Variants in PDE2A observed in about 807,000 individuals in gnomAD.
The protein encoded by PDE2A is phosphodiesterase 2A.
A neutral mutation model predicts 133.6 loss-of-function variants in PDE2A; 53 were observed. That is an observed-to-expected ratio of 0.40 (90% CI 0.32 to 0.50). The LOEUF is 0.50. Ranked by LOEUF, PDE2A falls within the 20% of genes least tolerant of loss-of-function variation. The pLI is 0.73. For synonymous variants in PDE2A, 491 were observed against 490.2 expected, an observed-to-expected ratio of 1.00 and a Z score of -0.02; for missense variants, 796 against 1,232.4, an observed-to-expected ratio of 0.65 and a Z score of 5.30.
At chr11:72,616,393 C>A (rs563709718) in intron 2 of PDE2A, among the ~76,000 whole-genome samples, 63 of 152,342 alleles carry the variant, frequency 4.1e-4, no homozygotes, top group African/African-American at 1.5e-3. Flanking sequence ...GCTCCCACAA[C>A]AGACTGGGAG....
chr11:72,578,193 C>G lies in PDE2A; in HGVS notation c.2615+40G>C. The G allele has an allele frequency of 1.5e-6, 2 of 1,294,110 alleles. No individual in the cohort carries two copies. Among genetic ancestry groups the G allele is most frequent in the Non-Finnish European group, 2.3e-6 (2 of 887,834 alleles). 80.2% of individuals were successfully genotyped at this position (1,294,110 alleles called of 1,614,324 possible). A position where few individuals can be genotyped will look rare whatever the true frequency, so the allele number is the denominator to read the frequency against. On this transcript the variant is annotated intron_variant, in intron 30 of 30. Coordinates refer to ENST00000334456, the MANE Select transcript of PDE2A (RefSeq NM_002599.5). This position sits in a 1 kb window ranked among gnomAD's most constrained non-coding sequence, Gnocchi z 4.2. The stretch of plus-strand genomic sequence containing the variant: ...TGATGTCCCCACTCCAGCCTACCCT[C>G]TCTGTGCAGGGTGCAGCTTGTCCCC...
chr11:72,610,571 C>CG (rs1857163084), intron 2 of PDE2A, among the ~76,000 whole-genome samples: 1 of 152,144 alleles, frequency 6.6e-6, no homozygotes. Flanking sequence ...TACTCAGCAT[C>CG]GCTTTCCCCA....
At chr11:72,666,842 A>G (rs1855246488) in intron 1 of PDE2A, among the ~76,000 whole-genome samples, 1 of 152,252 alleles carries the variant, frequency 6.6e-6, no homozygotes, top group Non-Finnish European at 1.5e-5. Flanking sequence ...GCAGTGGCTC[A>G]TGCCTGTAAT....
intron 2 of PDE2A, among the ~76,000 whole-genome samples, chr11:72,620,269 C>T (rs1479710368): frequency 6.6e-6 from 1 of 152,170 alleles, no homozygotes; most frequent in East Asian, 1.9e-4. Flanking sequence ...CCCCTCCTCA[C>T]TTCCCTGGGG....
At position 72,583,497 on chromosome 11, in the gene PDE2A, C is replaced by T; in HGVS notation, c.1669G>A (p.Val557Met). The change falls in exon 20 of 31, where the codon GTG (valine) becomes ATG (methionine). Residue 557 changes from valine to methionine, a missense_variant. By Grantham distance (21) the Val-to-Met change is conservative (BLOSUM62 1). Coordinates refer to ENST00000334456, the MANE Select transcript of PDE2A (RefSeq NM_002599.5). ...TGGCTGCGATACTGAGCCTCATTCACTTTTTTGTATAGGAGAGACTAGGGG... is the reference window on the plus strand; with the variant it reads ...TGGCTGCGATACTGAGCCTCATTCATTTTTTTGTATAGGAGAGACTAGGGG... ...SIAHSLLYKK[V>M]NEAQYRSHLA... is the part of the protein sequence containing the mutation. 6.2e-7 allele frequency: 1 copy of T among 1,611,616 alleles called. No individual in the cohort carries two copies. The highest frequency in any genetic ancestry group is 8.5e-7 in the Non-Finnish European group (1 of 1,177,748).
At chr11:72,672,812 C>A (rs952537218) in intron 1 of PDE2A, among the ~76,000 whole-genome samples, 1 of 150,050 alleles carries the variant, frequency 6.7e-6, no homozygotes, top group South Asian at 2.1e-4. Context: ...TATTTCTTTT[C>A]TGCATCTTTC....
At chr11:72,664,296 T>C (rs536231389) in intron 1 of PDE2A, among the ~76,000 whole-genome samples, 1 of 151,812 alleles carries the variant, frequency 6.6e-6, no homozygotes, top group South Asian at 2.1e-4. Context: ...TCACTAACTG[T>C]CTTCAGTTAA....
intron 1 of PDE2A, among the ~76,000 whole-genome samples, chr11:72,669,402 A>T (rs1414373732): frequency 6.6e-6 from 1 of 152,128 alleles, no homozygotes; most frequent in African/African-American, 2.4e-5. Context: ...GTGGGGGGGC[A>T]GTGAGAAGGG....
intron 2 of PDE2A, among the ~76,000 whole-genome samples, chr11:72,611,449 G>A (rs528912853): frequency 2.6e-5 from 4 of 152,302 alleles, no homozygotes; most frequent in Non-Finnish European, 4.4e-5. Flanking sequence ...TCCTCAACCT[G>A]CCCTTTGCTT....
chr11:72,636,189 T>C, intron 2 of PDE2A: 2 of 1,028,666 alleles, frequency 1.9e-6, no homozygotes, highest in East Asian at 8.6e-5. Flanking sequence ...AACAGGAAGG[T>C]CCTGGAGCTG....
intron 4 of PDE2A, among the ~76,000 whole-genome samples, chr11:72,602,010 A>G (rs766216312): frequency 1.3e-5 from 2 of 152,190 alleles, no homozygotes; most frequent in Admixed American, 6.5e-5. Context: ...AGGGAGGCCA[A>G]TATGGCCCAG....
chr11:72,643,875 C>G (rs1859056894), intron 1 of PDE2A, among the ~76,000 whole-genome samples: 1 of 152,192 alleles, frequency 6.6e-6, no homozygotes. Context: ...CTCTGGCATG[C>G]TCTCCCCCAC....
intron 13 of PDE2A, chr11:72,587,856 G>A (rs1250674793): frequency 6.6e-6 from 1 of 152,238 alleles, no homozygotes; most frequent in Non-Finnish European, 1.5e-5. Context: ...CTCAGACCTA[G>A]GACTCCTGGA....
chr11:72,633,253 A>G (rs1565183764), intron 2 of PDE2A, among the ~76,000 whole-genome samples: 5 of 152,132 alleles, frequency 3.3e-5, no homozygotes, highest in Admixed American at 6.5e-5. Flanking sequence ...AGTCTGCTTT[A>G]GGGAAGACTC....
Position 72,631,732 on chromosome 11 carries a change from C to T in PDE2A, c.144+10522G>A, listed in dbSNP as rs569912075. On this transcript the variant is annotated intron_variant, in intron 2 of 30. Transcript: ENST00000334456. ...ACTTCCACAGTTCCCGGAATGCTAGCGGTGGAGACACTGCCACAGCAGCCT... is the reference window on the plus strand; with the variant it reads ...ACTTCCACAGTTCCCGGAATGCTAGTGGTGGAGACACTGCCACAGCAGCCT... 8.5e-5 allele frequency among the ~76,000 whole-genome samples: 13 copies of T among 152,210 alleles called. No individual in the cohort carries two copies. The South Asian group carries it at 2.3e-3, about 27-fold the overall frequency.
chr11:72,647,011 C>T (rs1014797160), intron 1 of PDE2A, among the ~76,000 whole-genome samples: 8 of 152,176 alleles, frequency 5.3e-5, no homozygotes, highest in Non-Finnish European at 1.0e-4. Flanking sequence ...CCTTCTTCAC[C>T]TATCCCCAGC....
intron 2 of PDE2A, among the ~76,000 whole-genome samples, chr11:72,614,357 G>A (rs1417926443): frequency 6.6e-6 from 1 of 152,208 alleles, no homozygotes; most frequent in African/African-American, 2.4e-5. Flanking sequence ...TAGTCTGAAG[G>A]AGGAGGCAAG....
rs557111949 is a variant in PDE2A at position 72,607,736 on chromosome 11, G to A, written c.234+926C>T. 2.0e-5 allele frequency among the ~76,000 whole-genome samples: 3 copies of A among 152,170 alleles called. No homozygotes were observed. In the East Asian group the frequency reaches 5.8e-4, roughly 29 times the overall value. On this transcript the variant is annotated intron_variant, in intron 3 of 30. Coordinates refer to ENST00000334456, the MANE Select transcript of PDE2A (RefSeq NM_002599.5). The stretch of plus-strand genomic sequence containing the variant: ...ACAATGGGCTCTGGAGGGATGGGAA[G>A]GTCACATTCTGAGTTGGCCATATTT...
At chr11:72,585,094 C>T in intron 16 of PDE2A, 150 bp from the exon 17 acceptor site, 2 of 719,224 alleles carry the variant, frequency 2.8e-6, no homozygotes, top group South Asian at 1.8e-5. Context: ...GCTCCAGAAA[C>T]GTGTCCATTC....
Sources: gnomAD v4.1 joint callset for allele counts (sites outside exome capture counted in the v4.1 genomes callset) on GRCh38, gnomAD v4.1.1 for gene constraint, Gnocchi (gnomAD v3.1) non-coding constraint, MANE v1.5 for transcripts, NCBI Gene and HGNC (gene_info 2026-07-23, HGNC 2026-07-21) for gene names.